Variants in MID1 observed in about 807,000 individuals in gnomAD.
MID1 encodes the protein E3 ubiquitin-protein ligase Midline-1.
Under a neutral mutation model 40.4 loss-of-function variants are expected in MID1, and 7 were observed. That is an observed-to-expected ratio of 0.17 (90% confidence interval 0.10 to 0.33). The LOEUF (loss-of-function observed/expected upper bound fraction) is 0.33, where lower values mean the gene tolerates loss of function less well. Among genes scored for constraint, MID1 ranks in the 10% least tolerant of loss-of-function variants. The pLI is 1.00. For missense variants in MID1, 367 were observed against 558.5 expected (o/e 0.66, Z 3.46); for synonymous variants, 229 against 221.2 (o/e 1.04, Z -0.31).
intron 1 of MID1, among the ~76,000 whole-genome samples, chrX:10,684,674 G>T (rs1203213018): frequency 2.7e-5 from 3 of 110,597 alleles, no homozygotes; most frequent in African/African-American, 9.9e-5. Context: ...CTCCCAAAGT[G>T]CTGGGATTAC....
chrX:10,698,757 TTCC>T (rs2043177251), intron 1 of MID1, among the ~76,000 whole-genome samples: 1 of 109,954 alleles, frequency 9.1e-6, no homozygotes, highest in Admixed American at 9.7e-5. Flanking sequence ...ACACCGCAGT[TTCC>T]TCCTTCCTCC....
At chrX:10,718,079 C>T (rs1300072997) in intron 1 of MID1, among the ~76,000 whole-genome samples, 4 of 111,409 alleles carry the variant, frequency 3.6e-5, no homozygotes, top group Non-Finnish European at 7.5e-5. Flanking sequence ...CACTAAATGC[C>T]CACAAGAGAA....
At chrX:10,699,961 TAC>T (rs2043185489) in intron 1 of MID1, among the ~76,000 whole-genome samples, 1 of 109,537 alleles carries the variant, frequency 9.1e-6, no homozygotes, top group African/African-American at 3.3e-5. Flanking sequence ...TAGCTGGGAT[TAC>T]AGACATGTGC....
chrX:10,487,712 G>A (rs1930696260), intron 4 of MID1, among the ~76,000 whole-genome samples: 1 of 111,403 alleles, frequency 9.0e-6, no homozygotes, highest in African/African-American at 3.3e-5. Flanking sequence ...TTAGTAGAAA[G>A]TGCCGTTTCT....
At chrX:10,502,154 C>G (rs1931577633) in intron 3 of MID1, among the ~76,000 whole-genome samples, 1 of 111,188 alleles carries the variant, frequency 9.0e-6, no homozygotes, top group Admixed American at 9.6e-5. Flanking sequence ...GGCTTAAAAT[C>G]TTTAGAAATA....
chrX:10,578,458 G>A (rs762013540), intron 1 of MID1, among the ~76,000 whole-genome samples: 10 of 112,104 alleles, frequency 8.9e-5, no homozygotes, highest in Non-Finnish European at 1.3e-4. Flanking sequence ...CACCCCTCAA[G>A]AGAAAATGAT....
intron 1 of MID1, among the ~76,000 whole-genome samples, chrX:10,646,307 A>T (rs1936260979): frequency 8.9e-6 from 1 of 112,214 alleles, no homozygotes; most frequent in Admixed American, 9.5e-5. Context: ...GAAGAAGCTG[A>T]GTGGCCAGGA....
chrX:10,822,880 T>C (rs1011599396), intron 1 of MID1, among the ~76,000 whole-genome samples: 7 of 112,024 alleles, frequency 6.2e-5, no homozygotes, highest in African/African-American at 2.3e-4. Flanking sequence ...GGTAGGAGTG[T>C]AAATTAGTTC....
intron 1 of MID1, among the ~76,000 whole-genome samples, chrX:10,659,682 G>C (rs567188643): frequency 1.8e-5 from 2 of 111,492 alleles, no homozygotes; most frequent in Non-Finnish European, 1.9e-5. Context: ...CTTAAAAAAG[G>C]GGGGTGGGGG....
chrX:10,538,483 T>A (rs947246587), intron 2 of MID1, among the ~76,000 whole-genome samples: 2 of 111,234 alleles, frequency 1.8e-5, no homozygotes, highest in African/African-American at 6.5e-5. Flanking sequence ...GTCAACGTAA[T>A]CTTTCCAGTA....
chrX:10,776,138 C>T (rs780324313), intron 1 of MID1, among the ~76,000 whole-genome samples: 5 of 112,232 alleles, frequency 4.5e-5, no homozygotes, highest in South Asian at 3.7e-4. Context: ...ATTGCTCTTA[C>T]GTAGCAGTTT....
chrX:10,805,136 T>A (rs745609585), intron 1 of MID1, among the ~76,000 whole-genome samples: 3 of 109,693 alleles, frequency 2.7e-5, no homozygotes, highest in African/African-American at 1.0e-4. Context: ...TAGTTACATA[T>A]GTATACATGT....
intron 7 of MID1, chrX:10,469,428 T>G: frequency 1.9e-6 from 2 of 1,079,909 alleles, no homozygotes; most frequent in East Asian, 6.6e-5. Context: ...CTCTATATAT[T>G]TGTTTCTCTC....
intron 1 of MID1, among the ~76,000 whole-genome samples, chrX:10,569,464 C>G (rs770324348): frequency 8.9e-6 from 1 of 112,224 alleles, no homozygotes; most frequent in Non-Finnish European, 1.9e-5. Flanking sequence ...ACAGATGGCT[C>G]AGAAGAAATG....
At chrX:10,491,188 A>AT (rs1018242719) in intron 4 of MID1, among the ~76,000 whole-genome samples, 50 of 110,959 alleles carry the variant, frequency 4.5e-4, no homozygotes, top group African/African-American at 1.5e-3. Context: ...GTTTTTCTTT[A>AT]TTTTTTTTAA....
chrX:10,541,885 T>C lies in MID1; in HGVS notation c.661-18698A>G, dbSNP rs1034540965. Among the ~76,000 whole-genome samples the C allele has an allele frequency of 6.2e-5, 7 of 112,001 alleles. 1 individual carries two copies. Among genetic ancestry groups the C allele is most frequent in the Admixed American group, 4.7e-4 (5 of 10,572 alleles). On this transcript the variant is annotated intron_variant, in intron 2 of 9. Coordinates refer to ENST00000317552, the MANE Select transcript of MID1 (RefSeq NM_000381.4). The stretch of plus-strand genomic sequence containing the variant: ...ACGCTGAAGTCTTTGGGGACCCCCA[T>C]TGCTAGGCATCTCCACTGGATTTTC...
intron 1 of MID1, among the ~76,000 whole-genome samples, chrX:10,698,223 G>T (rs1044372024): frequency 1.8e-5 from 2 of 108,809 alleles, no homozygotes; most frequent in Non-Finnish European, 3.8e-5. Flanking sequence ...TTGACATTCT[G>T]ATGTGGTGAC....
rs34917176 is a variant in MID1 at position 10,683,770 on chromosome X, C to CTTT, written c.-186-63354_-186-63352dup. ...CTGCACAGAAGGAATTGCACGTCAT[C>CTTT]TTTTTTTTTTTTTTTTTTTTTTTTT... On this transcript the variant is annotated intron_variant, in intron 1 of 10. Transcript: ENST00000380785. 9.1e-3 allele frequency among the ~76,000 whole-genome samples: 412 copies of CTTT among 45,098 alleles called. 61 individuals carry two copies. The highest frequency in any genetic ancestry group is 0.014 in the Middle Eastern group (1 of 71). The allele number at this position is 45,098 out of a possible 115,157, so 39.2% of individuals were successfully genotyped here. A position where few individuals can be genotyped will look rare whatever the true frequency, so the allele number is the denominator to read the frequency against.
At chrX:10,556,060 C>G (rs964350404) in intron 2 of MID1, among the ~76,000 whole-genome samples, 53 of 107,643 alleles carry the variant, frequency 4.9e-4, no homozygotes, top group African/African-American at 1.7e-3. Flanking sequence ...GGCCAACTTG[C>G]TTCATCATTT....
Sources: allele counts gnomAD v4.1 joint callset (sites outside exome capture counted in the v4.1 genomes callset), GRCh38; gene constraint gnomAD v4.1.1; transcripts MANE v1.5; gene names NCBI Gene and HGNC (gene_info 2026-07-23, HGNC 2026-07-21).